The following PRKRA variants were observed in gnomAD, a reference collection of about 807,000 sequenced individuals.
PRKRA encodes the protein interferon-inducible double-stranded RNA-dependent protein kinase activator A.
PRKRA carries 22 observed loss-of-function variants against 32.4 expected under a neutral mutation model. The ratio of observed to expected loss-of-function variants is 0.68; its 90% CI spans 0.49 to 0.97. The LOEUF (loss-of-function observed/expected upper bound fraction) is 0.97, where lower values mean the gene tolerates loss of function less well. PRKRA is among the 50% of genes least tolerant of loss of function. The pLI, the probability that PRKRA is intolerant of heterozygous loss-of-function variation, is 0.00. For synonymous variants in PRKRA, 139 were observed against 129.8 expected (o/e 1.07, Z -0.48); for missense variants, 319 against 375.6 (o/e 0.85, Z 1.25).
chr2:178,439,213 G>T (rs540636022), intron 6 of PRKRA: 8 of 151,986 alleles, frequency 5.3e-5, no homozygotes, highest in Non-Finnish European at 1.2e-4. Flanking sequence ...TCTCAGAATA[G>T]GATTTTCTAT....
rs546281621 is a variant in PRKRA at position 178,447,537 on chromosome 2, G to T, written c.285C>A (p.Ala95=). ...KLAKHRAAEA[A]INILKANASI... ...TTGCATTGGCTTTCAAAATGTTTATGGCAGCCTCTGCAGCTCTATGTTTCG... is the reference window on the plus strand; with the variant it reads ...TTGCATTGGCTTTCAAAATGTTTATTGCAGCCTCTGCAGCTCTATGTTTCG... The change falls in exon 3 of 8, where the codon GCC becomes GCA. Residue 95 remains alanine (A), a synonymous_variant. Transcript: ENST00000325748. The T allele has an allele frequency of 6.2e-7, 1 of 1,614,040 alleles. No individual in the cohort carries two copies. The highest frequency in any genetic ancestry group is 1.7e-5 in the Admixed American group (1 of 60,028).
intron 7 of PRKRA, chr2:178,433,416 G>A (rs941882380): frequency 1.3e-5 from 2 of 152,130 alleles, no homozygotes; most frequent in Admixed American, 1.3e-4. Flanking sequence ...CAATTCATTT[G>A]AGGAACTGAG....
intron 3 of PRKRA, 53 bp downstream of exon 3, chr2:178,447,452 T>C (rs1418760896): frequency 3.1e-6 from 4 of 1,307,392 alleles, no homozygotes; most frequent in East Asian, 4.4e-5. Context: ...ATTTTTAATC[T>C]TACCTCAGCC....
chr2:178,450,071 A>C, intron 2 of PRKRA, 171 bp downstream of exon 2: 1 of 869,358 alleles, frequency 1.2e-6, no homozygotes, highest in Non-Finnish European at 1.9e-6. Flanking sequence ...AAAATTAGGA[A>C]GAGAATCAGA....
intron 6 of PRKRA, among the ~76,000 whole-genome samples, chr2:178,437,853 C>T (rs1696962368): frequency 6.6e-6 from 1 of 152,030 alleles, no homozygotes; most frequent in African/African-American, 2.4e-5. Context: ...GTCTTTTTAA[C>T]TGATGCATAA....
chr2:178,432,137 T>C lies in PRKRA; in HGVS notation c.902A>G (p.Asn301Ser), dbSNP rs778511975. 2.8e-5 allele frequency: 46 copies of C among 1,614,132 alleles called. No homozygotes were observed. The highest frequency in any genetic ancestry group is 8.3e-5 in the Admixed American group (5 of 60,008). Reference protein sequence around the residue: ...CGNAQSDAAHNALQYLKIIAE... With the variant: ...CGNAQSDAAHSALQYLKIIAE... ...TATTATCTTTAAATACTGCAAAGCA[T>C]TGTGAGCTGCATCACTTTGTGCATT... Residue 301 changes from asparagine to serine, a missense_variant, in exon 8 of 8, where the codon AAT becomes AGT. Physicochemically the swap from Asn to Ser is conservative, Grantham distance 46. Coordinates refer to ENST00000325748, the MANE Select transcript of PRKRA (RefSeq NM_003690.5).
chr2:178,434,975 T>C (rs967604094), intron 7 of PRKRA, among the ~76,000 whole-genome samples: 8 of 150,854 alleles, frequency 5.3e-5, no homozygotes, highest in Non-Finnish European at 8.9e-5. Context: ...AAAAAAAACT[T>C]TGGGAGGCCG....
chr2:178,444,542 C>A, intron 3 of PRKRA, 42 bp from the exon 4 acceptor site: 2 of 823,720 alleles, frequency 2.4e-6, no homozygotes, highest in Non-Finnish European at 1.7e-6. Context: ...AATAATTTCC[C>A]CCGAATTATG....
chr2:178,444,072 A>G (rs1697219991), intron 4 of PRKRA: 1 of 208,306 alleles, frequency 4.8e-6, no homozygotes, highest in African/African-American at 2.3e-5. Context: ...CACTGATTTG[A>G]TTTAGGCTCT....
At chr2:178,450,661 A>G in intron 1 of PRKRA, 1 of 1,437,594 alleles carries the variant, frequency 7.0e-7, no homozygotes, top group Non-Finnish European at 9.1e-7. Flanking sequence ...GAGATTCTCA[A>G]CAGAACAGGG....
At chr2:178,438,738 C>G (rs1697002656) in intron 6 of PRKRA, 1 of 149,736 alleles carries the variant, frequency 6.7e-6, no homozygotes, top group Non-Finnish European at 1.5e-5. Context: ...AGTGCAGTGG[C>G]GTGGATCTCT....
chr2:178,447,576 T>C lies in PRKRA; in HGVS notation c.246A>G (p.Thr82=), dbSNP rs1280134665. The C allele has an allele frequency of 6.2e-7, 1 of 1,614,184 alleles. No individual in the cohort carries two copies. The change falls in exon 3 of 8, where the codon ACA becomes ACG. Residue 82 remains threonine (T), a synonymous_variant. Coordinates refer to ENST00000325748, the MANE Select transcript of PRKRA (RefSeq NM_003690.5). ...VGDITCTGEG[T]SKKLAKHRAA... is the part of the protein sequence containing the mutation. ...CTCTATGTTTCGCCAGCTTCTTACT[T>C]GTACCTTCACCTGAATTAAGATTTA...
In PRKRA at chr2:178,450,215, T is replaced by G. The variant is rs751509199; in HGVS notation, c.235+27A>C. ...AAGTATTGACTGCCAACCCACTCGG[T>G]CATCCAGGTTAACTGTGTATACAGA... On this transcript the variant is annotated intron_variant, in intron 2 of 7. Coordinates refer to ENST00000325748, the MANE Select transcript of PRKRA (RefSeq NM_003690.5). 6.2e-6 allele frequency: 10 copies of G among 1,614,088 alleles called. No homozygotes were observed. The East Asian group carries it at 2.2e-4, about 36-fold the overall frequency.
In PRKRA at chr2:178,443,290, C is replaced by T. The variant is rs768881161; in HGVS notation, c.491G>A (p.Arg164Lys). Residue 164 changes from arginine to lysine, a missense_variant, in exon 5 of 8, where the codon AGG becomes AAG. By Grantham distance (26) the Arg-to-Lys change is conservative. Coordinates refer to ENST00000325748, the MANE Select transcript of PRKRA (RefSeq NM_003690.5). ...AHKREYTTIC[R>K]LESFMETGKG... ...ACCAGTTTCCATAAATGACTCTAGC[C>T]TGCAAATTGTAGTATATTCTCTCTT... 6 of 1,608,752 alleles carry T rather than the reference C, an allele frequency of 3.7e-6. No individual in the cohort carries two copies. In the African/African-American group the frequency reaches 8.0e-5, roughly 22 times the overall value.
intron 4 of PRKRA, chr2:178,443,860 T>G (rs1447900843): frequency 5.7e-6 from 1 of 176,604 alleles, no homozygotes; most frequent in Non-Finnish European, 1.2e-5. Flanking sequence ...AAAAGCTCAC[T>G]GTGCAGGAAA....
chr2:178,450,129 G>C, intron 2 of PRKRA, 113 bp downstream of exon 2: 1 of 1,362,166 alleles, frequency 7.3e-7, no homozygotes, highest in South Asian at 1.2e-5. Flanking sequence ...CTCAGTTTCA[G>C]AGCCTGTTCC....
chr2:178,447,313 A>G lies in PRKRA; in HGVS notation c.317+192T>C, dbSNP rs1230759951. 4 of 968,348 alleles carry G rather than the reference A, an allele frequency of 4.1e-6. No individual in the cohort carries two copies. In the South Asian group the frequency reaches 7.0e-5, roughly 17 times the overall value. 60.0% of individuals were successfully genotyped at this position (968,348 alleles called of 1,614,324 possible). ...GCCTAGTTCATGAGCACCTTCATTT[A>G]ATAGCTAATTGCTGGATTTGATTGG... On this transcript the variant is annotated intron_variant, in intron 3 of 7. Transcript: ENST00000325748.
intron 6 of PRKRA, among the ~76,000 whole-genome samples, chr2:178,440,513 A>C (rs763590550): frequency 2.6e-5 from 4 of 152,206 alleles, no homozygotes; most frequent in Non-Finnish European, 4.4e-5. Flanking sequence ...TAAGCACTTC[A>C]AATTCAATAT....
At position 178,436,318 on chromosome 2, in the gene PRKRA, G is replaced by C. The variant is rs1351253817; in HGVS notation, c.611C>G (p.Thr204Arg). Residue 204 changes from threonine (T) to arginine (R), a missense_variant and splice_region_variant, in exon 7 of 8, where the codon ACA becomes AGA. Thr to Arg is a moderately conservative substitution (Grantham distance 71). Coordinates refer to ENST00000325748, the MANE Select transcript of PRKRA (RefSeq NM_003690.5). ...NISPENHISL[T>R]NVVGHSLGCT... Reference sequence around the variant, plus strand: ...TCCTAAAGAATGTCCTACTACATTTGTCTGAAAAACAGAGATGAAGATTTA... The same window carrying C: ...TCCTAAAGAATGTCCTACTACATTTCTCTGAAAAACAGAGATGAAGATTTA... 3.7e-6 allele frequency: 6 copies of C among 1,612,910 alleles called. No homozygotes were observed. The highest frequency in any genetic ancestry group is 1.3e-5 in the African/African-American group (1 of 74,894).
Sources: gnomAD v4.1 joint callset for allele counts (sites outside exome capture counted in the v4.1 genomes callset) on GRCh38, gnomAD v4.1.1 for gene constraint, MANE v1.5 for transcripts, NCBI Gene and HGNC (gene_info 2026-07-23, HGNC 2026-07-21) for gene names.